TNS1: variants seen among roughly 807,000 people sequenced by gnomAD.
The protein encoded by TNS1 is tensin 1.
Under a neutral mutation model 168.6 loss-of-function variants are expected in TNS1, and 62 were observed. The observed-to-expected ratio is 0.37, with a 90% confidence interval of 0.30 to 0.45. The LOEUF is 0.45. Ranked by LOEUF, TNS1 falls within the 20% of genes least tolerant of loss-of-function variation. The pLI, the probability that TNS1 is intolerant of heterozygous loss-of-function variation, is 1.00. For missense variants in TNS1, 2,240 were observed against 2,339.4 expected (o/e 0.96, Z 0.88); for synonymous variants, 934 against 933.2 (o/e 1.00, Z -0.02).
intron 3 of TNS1, among the ~76,000 whole-genome samples, chr2:217,934,277 C>T (rs944246762): frequency 1.3e-5 from 2 of 152,086 alleles, no homozygotes; most frequent in African/African-American, 4.8e-5. Flanking sequence ...AGGGGCTGAT[C>T]CAGAGAAGCA....
At chr2:217,835,007 A>G in intron 21 of TNS1, 84 bp downstream of exon 21, 52 of 1,265,564 alleles carry the variant, frequency 4.1e-5, no homozygotes, top group Non-Finnish European at 5.6e-5. Context: ...CCCAACCCTC[A>G]GGCCTGGGGC....
chr2:217,879,868 C>G (rs1950530452), intron 18 of TNS1, among the ~76,000 whole-genome samples: 1 of 152,182 alleles, frequency 6.6e-6, no homozygotes, highest in Admixed American at 6.5e-5. Flanking sequence ...CCCAGGATGG[C>G]ACAGCCCCAC....
intron 32 of TNS1, among the ~76,000 whole-genome samples, chr2:217,805,513 ACAC>A (rs1483539011): frequency 1.5e-4 from 4 of 27,510 alleles, no homozygotes; most frequent in East Asian, 9.9e-4. Flanking sequence ...ACCACCACAC[ACAC>A]CACACACACC....
In TNS1 at chr2:217,813,094, T is replaced by G. The variant is rs1941263020; in HGVS notation, c.4954+121A>C. On this transcript the variant is annotated intron_variant, in intron 27 of 32. Transcript: ENST00000682258. This position sits in a 1 kb window ranked among gnomAD's most constrained non-coding sequence, Gnocchi z 4.0. ...TTTCATTCATTTTCTCTGCTGAATT[T>G]ATGACAAGGGTGACTGGCAGAGCCT... 1.4e-6 allele frequency: 1 copy of G among 696,330 alleles called. No homozygotes were observed. The highest frequency in any genetic ancestry group is 2.5e-6 in the Non-Finnish European group (1 of 396,058). The allele number at this position is 696,330 out of a possible 1,614,324, so 43.1% of individuals were successfully genotyped here.
At chr2:217,898,163 G>A (rs1952525703) in intron 7 of TNS1, among the ~76,000 whole-genome samples, 194 bp from the exon 8 acceptor site, 2 of 152,234 alleles carry the variant, frequency 1.3e-5, no homozygotes, top group South Asian at 2.1e-4. Flanking sequence ...GAGTGCCGGC[G>A]AGAACAAGCT....
In TNS1 at chr2:217,945,909, G is replaced by A. The variant is rs3791898; in HGVS notation, c.187-25673C>T. ...GGGTCAGTTTCAGCTCTCTAGAGGTGGATGTGGGGATTGTGCTATAAAATT... is the reference window on the plus strand; with the variant it reads ...GGGTCAGTTTCAGCTCTCTAGAGGTAGATGTGGGGATTGTGCTATAAAATT... On this transcript the variant is annotated intron_variant, in intron 3 of 32. Transcript: ENST00000682258. Among the ~76,000 whole-genome samples, 510 of 152,296 alleles carry A rather than the reference G, an allele frequency of 3.3e-3. 5 individuals are homozygous for A. Among genetic ancestry groups the A allele is most frequent in the East Asian group, 0.023 (120 of 5,176 alleles).
chr2:217,969,789 A>C (rs774449890), intron 3 of TNS1, among the ~76,000 whole-genome samples: 2 of 152,240 alleles, frequency 1.3e-5, no homozygotes, highest in African/African-American at 2.4e-5. Flanking sequence ...ACAAGTGTTG[A>C]CAAGGATGTG....
At chr2:218,020,977 T>C (rs187564160) in intron 1 of TNS1, among the ~76,000 whole-genome samples, 1 of 152,290 alleles carries the variant, frequency 6.6e-6, no homozygotes, top group African/African-American at 2.4e-5. Context: ...GAGAAGACAA[T>C]GCATCCACGA....
At chr2:217,899,523 T>A (rs1952702486) in intron 7 of TNS1, among the ~76,000 whole-genome samples, 1 of 152,104 alleles carries the variant, frequency 6.6e-6, no homozygotes, top group Non-Finnish European at 1.5e-5. Flanking sequence ...CCCTCTCTGT[T>A]CTGGCTCCAA....
chr2:217,836,232 A>G (rs1204232342), intron 19 of TNS1, 21 bp from the exon 20 acceptor site: 1 of 1,593,040 alleles, frequency 6.3e-7, no homozygotes, highest in Non-Finnish European at 8.6e-7. Flanking sequence ...AGCAGGGTGT[A>G]GAGGACAATG....
intron 1 of TNS1, among the ~76,000 whole-genome samples, chr2:218,002,189 C>A (rs1241637410): frequency 6.6e-6 from 1 of 152,164 alleles, no homozygotes; most frequent in East Asian, 1.9e-4. Flanking sequence ...CATCCCCATC[C>A]TGAAACCCAC....
rs1328389864 is a variant in TNS1 at position 218,002,545 on chromosome 2, C to T, written c.33+295G>A. Among the ~76,000 whole-genome samples, 15 of 135,118 alleles carry T rather than the reference C, an allele frequency of 1.1e-4. No homozygotes were observed. The Admixed American group carries it at 1.3e-3, about 12-fold the overall frequency. The allele number at this position is 135,118 out of a possible 152,430, so 88.6% of individuals were successfully genotyped here. ...AAAGGCTCTAAAGAGAAGCAAACTTCTCTGTGGCCTCCTTCCACTTACAGC... is the reference window on the plus strand; with the variant it reads ...AAAGGCTCTAAAGAGAAGCAAACTTTTCTGTGGCCTCCTTCCACTTACAGC... On this transcript the variant is annotated intron_variant, in intron 1 of 32. Coordinates refer to ENST00000682258, the MANE Select transcript of TNS1 (RefSeq NM_001387777.1).
At chr2:217,957,712 T>C (rs981428751) in intron 3 of TNS1, among the ~76,000 whole-genome samples, 3 of 151,976 alleles carry the variant, frequency 2.0e-5, no homozygotes, top group Non-Finnish European at 2.9e-5. Context: ...TTATTATTAA[T>C]GATGTTAACT....
At chr2:217,980,893 A>T (rs1958032299) in intron 2 of TNS1, among the ~76,000 whole-genome samples, 1 of 152,062 alleles carries the variant, frequency 6.6e-6, no homozygotes, top group Admixed American at 6.5e-5. Context: ...CCCTGGACCA[A>T]ATCCCTCTTA....
At chr2:217,849,624 C>T (rs564763849) in intron 18 of TNS1, 1 of 982,962 alleles carries the variant, frequency 1.0e-6, no homozygotes, top group East Asian at 1.1e-4. Flanking sequence ...CCTGAATGAC[C>T]ATTTCCAAAG....
chr2:217,838,963 C>CA, intron 19 of TNS1, among the ~76,000 whole-genome samples: 1 of 141,588 alleles, frequency 7.1e-6, no homozygotes, highest in East Asian at 2.5e-4. Context: ...AGGACTTTCT[C>CA]AGTCTTTGGC....
At chr2:218,021,101 C>T (rs1392602582) in intron 1 of TNS1, among the ~76,000 whole-genome samples, 8 of 152,240 alleles carry the variant, frequency 5.3e-5, no homozygotes, top group South Asian at 2.1e-4. Flanking sequence ...GCCAGGCAGC[C>T]GCTGACCCCA....
chr2:217,969,986 A>G lies in TNS1; in HGVS notation c.186+8779T>C, dbSNP rs144615408. Reference sequence around the variant, plus strand: ...TCATGAGGATGGGCCTTAACCATCTATGACAGTTCCTGATAAAAAAAAAAA... The same window carrying G: ...TCATGAGGATGGGCCTTAACCATCTGTGACAGTTCCTGATAAAAAAAAAAA... On this transcript the variant is annotated intron_variant, in intron 3 of 32. Transcript: ENST00000682258. Among the ~76,000 whole-genome samples, 392 of 152,234 alleles carry G rather than the reference A, an allele frequency of 2.6e-3. 1 individual carries two copies. The highest frequency in any genetic ancestry group is 8.9e-3 in the African/African-American group (370 of 41,486).
chr2:217,890,165 G>A (rs747490481), intron 12 of TNS1, among the ~76,000 whole-genome samples: 2 of 152,180 alleles, frequency 1.3e-5, no homozygotes, highest in African/African-American at 2.4e-5. Flanking sequence ...AGCTCACCGT[G>A]ATTCCAGTTT....
Sources: gnomAD v4.1 joint callset for allele counts (sites outside exome capture counted in the v4.1 genomes callset) on GRCh38, gnomAD v4.1.1 for gene constraint, Gnocchi (gnomAD v3.1) non-coding constraint, MANE v1.5 for transcripts, NCBI Gene and HGNC (gene_info 2026-07-23, HGNC 2026-07-21) for gene names.